The following WSCD2 variants were observed in gnomAD, a reference collection of about 807,000 sequenced individuals.
The protein encoded by WSCD2 is WSC domain sialate O sulfotransferase 2.
Under a neutral mutation model 55.7 loss-of-function variants are expected in WSCD2, and 28 were observed. The observed-to-expected ratio is 0.50, with a 90% CI of 0.37 to 0.69. The LOEUF (loss-of-function observed/expected upper bound fraction) is 0.69, where lower values mean the gene tolerates loss of function less well. Among genes scored for constraint, WSCD2 ranks in the 30% least tolerant of loss-of-function variants. The pLI is 0.00. For synonymous variants in WSCD2, 301 were observed against 301.9 expected (o/e 1.00, Z 0.03); for missense variants, 616 against 762.1 (o/e 0.81, Z 2.26).
intron 1 of WSCD2, among the ~76,000 whole-genome samples, chr12:108,188,828 G>A (rs1023424687): frequency 2.6e-5 from 4 of 152,156 alleles, no homozygotes; most frequent in Non-Finnish European, 4.4e-5. Flanking sequence ...CATAGTGTCC[G>A]CCATGGCATC....
chr12:108,135,549 C>T lies in WSCD2; in HGVS notation c.-552+5623C>T, dbSNP rs531581596. ...CTCCTCCTCCTCCTTATGGTGGAGA[C>T]GGTTGAATGTCACTACCAGAGCAAT... On this transcript the variant is annotated intron_variant, in intron 1 of 8. Transcript: ENST00000547525. Among the ~76,000 whole-genome samples the T allele has an allele frequency of 7.9e-5, 12 of 152,258 alleles. 1 individual carries two copies. In the South Asian group the frequency reaches 1.5e-3, roughly 18 times the overall value.
chr12:108,165,552 C>A (rs78109507), intron 1 of WSCD2, among the ~76,000 whole-genome samples: 2 of 152,322 alleles, frequency 1.3e-5, no homozygotes, highest in Admixed American at 1.3e-4. Flanking sequence ...TTGTCTTCAA[C>A]AGAGCAGGCC....
intron 1 of WSCD2, among the ~76,000 whole-genome samples, chr12:108,133,849 A>G (rs1347215463): frequency 1.3e-5 from 2 of 152,248 alleles, no homozygotes. Context: ...AAGCACAGGT[A>G]TAATTTTAGG....
rs537894972 is a variant in WSCD2, at chr12:108,176,630, G to A, written c.-551-18652G>A. Among the ~76,000 whole-genome samples, 39 of 152,280 alleles carry A rather than the reference G, an allele frequency of 2.6e-4. No homozygotes were observed. In the South Asian group the frequency reaches 8.1e-3, roughly 32 times the overall value. On this transcript the variant is annotated intron_variant, in intron 1 of 8. Transcript: ENST00000547525. ...AATATTTGCATGCAGATTTTTGCCT[G>A]AGCATGGGTTTTCATTTCTCTTGGG... is the stretch of plus-strand genomic sequence containing the variant.
intron 1 of WSCD2, among the ~76,000 whole-genome samples, chr12:108,132,041 T>TGTGTGTGTGTACGC (rs1023957462): frequency 2.6e-5 from 4 of 152,182 alleles, no homozygotes; most frequent in African/African-American, 9.7e-5. Flanking sequence ...CAGCATTGTG[T>TGTGTGTGTGTACGC]GTGTGTGTGT....
chr12:108,185,683 A>G (rs1393494203), intron 1 of WSCD2, among the ~76,000 whole-genome samples: 1 of 151,960 alleles, frequency 6.6e-6, no homozygotes, highest in African/African-American at 2.4e-5. Context: ...ATTCCCTTTC[A>G]TCCTATCCTA....
At chr12:108,245,831 A>G (rs764707033) in intron 8 of WSCD2, among the ~76,000 whole-genome samples, 1 of 152,236 alleles carries the variant, frequency 6.6e-6, no homozygotes, top group Non-Finnish European at 1.5e-5. Flanking sequence ...AGCCAGATAC[A>G]TTATAAATAA....
chr12:108,239,212 T>G (rs540519468), intron 7 of WSCD2, among the ~76,000 whole-genome samples: 1 of 152,300 alleles, frequency 6.6e-6, no homozygotes, highest in Admixed American at 6.5e-5. Flanking sequence ...TGTGACAGAT[T>G]TCTTCCCACC....
intron 2 of WSCD2, among the ~76,000 whole-genome samples, chr12:108,205,360 T>A (rs1018608788): frequency 6.6e-6 from 1 of 152,124 alleles, no homozygotes; most frequent in Admixed American, 6.5e-5. Flanking sequence ...AAGGAGACAA[T>A]GTATGTAAAG....
chr12:108,201,955 G>C (rs1425682704), intron 2 of WSCD2, among the ~76,000 whole-genome samples: 3 of 152,206 alleles, frequency 2.0e-5, no homozygotes, highest in African/African-American at 7.2e-5. Flanking sequence ...TCAGACCGCT[G>C]TGGAGATGAG....
chr12:108,137,531 A>G (rs1229106450), intron 1 of WSCD2, among the ~76,000 whole-genome samples: 4 of 152,238 alleles, frequency 2.6e-5, no homozygotes, highest in Admixed American at 2.6e-4. Context: ...ACAGCCTGGG[A>G]ACAAGGGTGA....
rs1875250918 is a variant in WSCD2 at position 108,129,473 on chromosome 12, C to T, written c.-1005C>T. Reference sequence around the variant, plus strand: ...GCGCACCGGGCCCGGGCATCTCCATCCCCGGGGCGGGTGCCCGCGCGGGGC... The same window carrying T: ...GCGCACCGGGCCCGGGCATCTCCATTCCCGGGGCGGGTGCCCGCGCGGGGC... On this transcript the variant is annotated 5_prime_UTR_variant, in exon 1 of 9. Coordinates refer to ENST00000547525, the MANE Select transcript of WSCD2 (RefSeq NM_014653.4). 6.6e-6 allele frequency: 1 copy of T among 151,630 alleles called. No individual in the cohort carries two copies. Among genetic ancestry groups the T allele is most frequent in the East Asian group, 2.0e-4 (1 of 5,096 alleles). 9.4% of individuals were successfully genotyped at this position (151,630 alleles called of 1,614,324 possible).
At chr12:108,218,769 C>T (rs560564120) in intron 4 of WSCD2, among the ~76,000 whole-genome samples, 2 of 152,158 alleles carry the variant, frequency 1.3e-5, no homozygotes, top group Non-Finnish European at 2.9e-5. Context: ...ACGGAGATGA[C>T]TTGTATATGA....
At chr12:108,156,303 G>C (rs1878503194) in intron 1 of WSCD2, among the ~76,000 whole-genome samples, 1 of 152,290 alleles carries the variant, frequency 6.6e-6, no homozygotes, top group African/African-American at 2.4e-5. Context: ...CCTCTGAGCT[G>C]TTTCCTCCTC....
intron 1 of WSCD2, among the ~76,000 whole-genome samples, chr12:108,155,128 T>A (rs535662956): frequency 6.6e-6 from 1 of 152,310 alleles, no homozygotes; most frequent in Non-Finnish European, 1.5e-5. Context: ...TCCTGATCTA[T>A]ATAATGGGGA....
At chr12:108,162,335 A>G (rs1267119522) in intron 1 of WSCD2, among the ~76,000 whole-genome samples, 1 of 152,150 alleles carries the variant, frequency 6.6e-6, no homozygotes, top group Non-Finnish European at 1.5e-5. Context: ...AGCCCCCTTC[A>G]GACTCACGGG....
chr12:108,162,527 A>G (rs1879181011), intron 1 of WSCD2, among the ~76,000 whole-genome samples: 1 of 152,230 alleles, frequency 6.6e-6, no homozygotes, highest in African/African-American at 2.4e-5. Context: ...GGGGAAAGAA[A>G]AAAATCTATT....
At chr12:108,212,822 A>G (rs1886385814) in intron 4 of WSCD2, among the ~76,000 whole-genome samples, 1 of 152,172 alleles carries the variant, frequency 6.6e-6, no homozygotes, top group South Asian at 2.1e-4. Flanking sequence ...TATTATGTCC[A>G]AGAGGAAGAA....
intron 1 of WSCD2, among the ~76,000 whole-genome samples, chr12:108,146,139 A>T (rs1303026505): frequency 6.6e-6 from 1 of 152,258 alleles, no homozygotes. Flanking sequence ...ATCATTGTAC[A>T]TGATGCAAAT....
Sources: allele counts gnomAD v4.1 joint callset (sites outside exome capture counted in the v4.1 genomes callset), GRCh38; gene constraint gnomAD v4.1.1; transcripts MANE v1.5; gene names NCBI Gene and HGNC (gene_info 2026-07-23, HGNC 2026-07-21).